COL24A1: variants seen among roughly 807,000 people sequenced by gnomAD.
COL24A1 encodes the protein collagen type XXIV alpha 1 chain.
Under a neutral mutation model 253.9 loss-of-function variants are expected in COL24A1, and 224 were observed. The observed-to-expected ratio is 0.88, with a 90% CI of 0.79 to 0.99. COL24A1 has a LOEUF of 0.99. COL24A1 is among the 50% of genes least tolerant of loss of function. The pLI is 0.00. For missense variants in COL24A1, 2,131 were observed against 2,068.5 expected (o/e 1.03, Z -0.59); for synonymous variants, 685 against 673.7 (o/e 1.02, Z -0.26).
At position 85,868,638 on chromosome 1, in the gene COL24A1, T is replaced by C. The variant is rs1233294768; in HGVS notation, c.3193-12A>G. The C allele has an allele frequency of 2.5e-6, 4 of 1,605,922 alleles. No homozygotes were observed. The highest frequency in any genetic ancestry group is 1.7e-4 in the Middle Eastern group (1 of 6,032). On this transcript the variant is annotated splice_polypyrimidine_tract_variant and intron_variant, in intron 36 of 59. Coordinates refer to ENST00000370571, the MANE Select transcript of COL24A1 (RefSeq NM_152890.7). ...CCTCCTGGTACTCCCTGTAATGCAA[T>C]AAAAAAGTTTTCTATAAAGGAATAC...
At chr1:86,054,614 G>C (rs900654978) in intron 10 of COL24A1, among the ~76,000 whole-genome samples, 2 of 151,948 alleles carry the variant, frequency 1.3e-5, no homozygotes, top group African/African-American at 4.8e-5. Context: ...CCAGTCAGAA[G>C]AGCTATTATT....
In COL24A1 at chr1:85,937,251, C is replaced by G. The variant is rs145902106; in HGVS notation, c.2562+23998G>C. 3.4e-3 allele frequency among the ~76,000 whole-genome samples: 509 copies of G among 147,846 alleles called. 32 individuals are homozygous for G. The highest frequency in any genetic ancestry group is 4.5e-3 in the Non-Finnish European group (299 of 66,764). The stretch of plus-strand genomic sequence containing the variant: ...AAAAGGCAGTAACAGGGAACATCTT[C>G]TAATGAGCAAGTCTCAGGCAGTGTA... On this transcript the variant is annotated intron_variant, in intron 24 of 59. Transcript: ENST00000370571.
chr1:86,087,335 A>C (rs1337278331), intron 7 of COL24A1, among the ~76,000 whole-genome samples: 48 of 152,210 alleles, frequency 3.2e-4, no homozygotes, highest in Admixed American at 3.1e-3. Context: ...TAAAATACTG[A>C]TGGGCCATAT....
intron 47 of COL24A1, among the ~76,000 whole-genome samples, chr1:85,808,797 T>C (rs1209822934): frequency 6.6e-6 from 1 of 152,152 alleles, no homozygotes; most frequent in Non-Finnish European, 1.5e-5. Context: ...AGCATTGCAG[T>C]AGAGTTTAAT....
chr1:85,797,207 C>CAAAAAAA, intron 47 of COL24A1, among the ~76,000 whole-genome samples: 2 of 66,188 alleles, frequency 3.0e-5, no homozygotes, highest in South Asian at 5.9e-4. Context: ...GACTCCGTCT[C>CAAAAAAA]AAAAAAAAAA....
At chr1:85,879,966 G>T (rs1681636497) in intron 32 of COL24A1, among the ~76,000 whole-genome samples, 1 of 152,158 alleles carries the variant, frequency 6.6e-6, no homozygotes, top group Admixed American at 6.5e-5. Context: ...GTCAGTGTCA[G>T]TTCTCCAAGT....
At chr1:85,947,073 T>C (rs1689394972) in intron 24 of COL24A1, among the ~76,000 whole-genome samples, 1 of 152,208 alleles carries the variant, frequency 6.6e-6, no homozygotes, top group Non-Finnish European at 1.5e-5. Flanking sequence ...GCTTAATAAG[T>C]ATTAGTCCCA....
chr1:85,836,279 G>A (rs1045741545), intron 43 of COL24A1, among the ~76,000 whole-genome samples: 1 of 152,114 alleles, frequency 6.6e-6, no homozygotes, highest in African/African-American at 2.4e-5. Context: ...CCCCAGCCAA[G>A]AATTCAGAAG....
At position 85,982,245 on chromosome 1, in the gene COL24A1, C is replaced by T. The variant is rs12074924; in HGVS notation, c.2364+5356G>A. On this transcript the variant is annotated intron_variant, in intron 20 of 59. Coordinates refer to ENST00000370571, the MANE Select transcript of COL24A1 (RefSeq NM_152890.7). The stretch of plus-strand genomic sequence containing the variant: ...ACTCATAGAAGCAAAAAATAGGATG[C>T]TAATTGCCAGGGGCTGTGGGGAGGA... Among the ~76,000 whole-genome samples, 180 of 152,068 alleles carry T rather than the reference C, an allele frequency of 1.2e-3. 1 individual carries two copies. The highest frequency in any genetic ancestry group is 4.0e-3 in the African/African-American group (168 of 41,500).
intron 39 of COL24A1, among the ~76,000 whole-genome samples, chr1:85,843,454 C>T (rs1239085159): frequency 6.6e-6 from 1 of 152,040 alleles, no homozygotes; most frequent in Non-Finnish European, 1.5e-5. Context: ...GGCTGAATGA[C>T]ATATGCTTGC....
intron 22 of COL24A1, among the ~76,000 whole-genome samples, chr1:85,967,405 T>C (rs969876460): frequency 6.6e-6 from 1 of 152,096 alleles, no homozygotes; most frequent in Non-Finnish European, 1.5e-5. Flanking sequence ...TTTGGGATCA[T>C]AAAGGAGACA....
At chr1:86,036,322 A>G (rs1322082334) in intron 12 of COL24A1, among the ~76,000 whole-genome samples, 1 of 152,054 alleles carries the variant, frequency 6.6e-6, no homozygotes. Flanking sequence ...TTTATTACTC[A>G]TTAAACATTT....
rs1477235086 is a variant in COL24A1 at position 85,816,872 on chromosome 1, T to C, written c.3867A>G (p.Pro1289=). ...GIPGLQGLLG[P]KGIQGYHGAD... Reference sequence around the variant, plus strand: ...CTCCATGGTATCCTTGTATGCCTTTTGGCCCAAGTAGGCCTTGAAGTCCCT... The same window carrying C: ...CTCCATGGTATCCTTGTATGCCTTTCGGCCCAAGTAGGCCTTGAAGTCCCT... Residue 1289 remains proline (P), a synonymous_variant, in exon 47 of 60, where the codon CCA becomes CCG. Coordinates refer to ENST00000370571, the MANE Select transcript of COL24A1 (RefSeq NM_152890.7). 12 of 1,614,014 alleles carry C rather than the reference T, an allele frequency of 7.4e-6. No individual in the cohort carries two copies. Among genetic ancestry groups the C allele is most frequent in the Non-Finnish European group, 1.0e-5 (12 of 1,179,880 alleles).
intron 7 of COL24A1, among the ~76,000 whole-genome samples, chr1:86,087,736 T>C (rs1167298138): frequency 1.3e-5 from 2 of 152,234 alleles, no homozygotes; most frequent in African/African-American, 2.4e-5. Flanking sequence ...CTAAGAGATA[T>C]GAGTAGTCAG....
chr1:85,772,097 A>G (rs1187919590), intron 53 of COL24A1, among the ~76,000 whole-genome samples: 2 of 148,786 alleles, frequency 1.3e-5, no homozygotes, highest in East Asian at 2.0e-4. Context: ...ATGATTTCCA[A>G]TTTCATCCAT....
Position 86,156,473 on chromosome 1 carries a change from T to G in COL24A1, c.-77A>C. On this transcript the variant is annotated 5_prime_UTR_variant, in exon 1 of 60. Coordinates refer to ENST00000370571, the MANE Select transcript of COL24A1 (RefSeq NM_152890.7). ...TCTGAACTGCTTAGGGTGCAGGTAC[T>G]GTCCATGAAAAAGGGAAAAAACAAT... 1 of 1,318,384 alleles carries G rather than the reference T, an allele frequency of 7.6e-7. No individual in the cohort carries two copies. Among genetic ancestry groups the G allele is most frequent in the South Asian group, 1.6e-5 (1 of 63,994 alleles). The allele number at this position is 1,318,384 out of a possible 1,614,324, so 81.7% of individuals were successfully genotyped here.
intron 35 of COL24A1, among the ~76,000 whole-genome samples, chr1:85,871,040 C>G (rs761992308): frequency 7.2e-4 from 109 of 152,240 alleles, no homozygotes; most frequent in Middle Eastern, 3.4e-3. Context: ...CACAGAAATA[C>G]AAACTACCAT....
intron 28 of COL24A1, among the ~76,000 whole-genome samples, chr1:85,904,451 C>T (rs1684613652): frequency 6.6e-6 from 1 of 152,096 alleles, no homozygotes; most frequent in South Asian, 2.1e-4. Flanking sequence ...GAGGCTAAAC[C>T]ACTATCTTTC....
chr1:85,830,658 G>T (rs1675119669), intron 43 of COL24A1, among the ~76,000 whole-genome samples: 1 of 152,156 alleles, frequency 6.6e-6, no homozygotes, highest in African/African-American at 2.4e-5. Context: ...GAAAAGCGCA[G>T]TATTCGGGTC....
Sources: allele counts gnomAD v4.1 joint callset (sites outside exome capture counted in the v4.1 genomes callset), GRCh38; gene constraint gnomAD v4.1.1; transcripts MANE v1.5; gene names NCBI Gene and HGNC (gene_info 2026-07-23, HGNC 2026-07-21).